Variants in MXI1 observed in about 807,000 individuals in gnomAD.
MXI1 encodes MAX interactor 1, dimerization protein, also known as max-interacting protein 1.
MXI1 carries 18 observed loss-of-function variants against 36.9 expected under a neutral mutation model. The observed-to-expected ratio is 0.49, with a 90% CI of 0.34 to 0.72. MXI1 has a LOEUF of 0.72. Among genes scored for constraint, MXI1 ranks in the 30% least tolerant of loss-of-function variants. The pLI, the probability that MXI1 is intolerant of heterozygous loss-of-function variation, is 0.01. For missense variants in MXI1, 304 were observed against 379.1 expected, an observed-to-expected ratio of 0.80 and a Z score of 1.64; for synonymous variants, 160 against 146.7, an observed-to-expected ratio of 1.09 and a Z score of -0.65.
At chr10:110,277,014 T>G (rs773278860) in intron 3 of MXI1, among the ~76,000 whole-genome samples, 1 of 152,126 alleles carries the variant, frequency 6.6e-6, no homozygotes. Flanking sequence ...CGCAGCTAAC[T>G]TTTATATTTT....
At chr10:110,256,168 C>T (rs1856285057) in intron 3 of MXI1, among the ~76,000 whole-genome samples, 1 of 152,096 alleles carries the variant, frequency 6.6e-6, no homozygotes, top group African/African-American at 2.4e-5. Flanking sequence ...GATCATAGAC[C>T]TGAATTTTTT....
intron 1 of MXI1, 27 bp downstream of exon 1, chr10:110,208,109 T>A (rs1854406673): frequency 6.4e-7 from 1 of 1,562,568 alleles, no homozygotes; most frequent in Non-Finnish European, 8.6e-7. Flanking sequence ...CTGCTCTTCC[T>A]CGGCGCCCGG....
chr10:110,221,905 C>T (rs1005180070), intron 1 of MXI1, among the ~76,000 whole-genome samples: 1 of 152,148 alleles, frequency 6.6e-6, no homozygotes, highest in African/African-American at 2.4e-5. Context: ...AGCCGGCAGC[C>T]CTGGCGACAG....
At chr10:110,277,186 C>A (rs1010439828) in intron 3 of MXI1, among the ~76,000 whole-genome samples, 3 of 152,206 alleles carry the variant, frequency 2.0e-5, no homozygotes, top group Non-Finnish European at 2.9e-5. Context: ...ATAATTCTTA[C>A]ATATACTGAA....
intron 5 of MXI1, among the ~76,000 whole-genome samples, chr10:110,281,647 TA>T (rs972922259): frequency 6.6e-6 from 1 of 152,196 alleles, no homozygotes; most frequent in African/African-American, 2.4e-5. Context: ...TATATGTACA[TA>T]TTTTTTTAAA....
intron 2 of MXI1, among the ~76,000 whole-genome samples, chr10:110,244,373 C>G (rs903201810): frequency 5.3e-5 from 8 of 151,878 alleles, no homozygotes; most frequent in Admixed American, 5.3e-4. Context: ...GTAACGCAAG[C>G]CTTTTTCAGC....
intron 3 of MXI1, among the ~76,000 whole-genome samples, chr10:110,246,182 T>C (rs897126284): frequency 1.3e-5 from 2 of 151,694 alleles, no homozygotes; most frequent in Admixed American, 6.6e-5. Context: ...AAAAATAAAT[T>C]AGCTGGTGTG....
chr10:110,224,089 C>T (rs991397119), intron 1 of MXI1, among the ~76,000 whole-genome samples: 1 of 152,022 alleles, frequency 6.6e-6, no homozygotes, highest in Non-Finnish European at 1.5e-5. Context: ...AGCATGAAGC[C>T]GATAACATTT....
chr10:110,262,875 A>G (rs758426861), intron 3 of MXI1, among the ~76,000 whole-genome samples: 1 of 152,120 alleles, frequency 6.6e-6, no homozygotes, highest in African/African-American at 2.4e-5. Flanking sequence ...ATTTTTCACA[A>G]AGTGTTTCCT....
At chr10:110,269,398 T>A (rs1856787007) in intron 3 of MXI1, among the ~76,000 whole-genome samples, 1 of 152,244 alleles carries the variant, frequency 6.6e-6, no homozygotes, top group Non-Finnish European at 1.5e-5. Context: ...CATTTTCTGC[T>A]TCTAGATGAA....
At chr10:110,264,926 A>C (rs1856636444) in intron 3 of MXI1, among the ~76,000 whole-genome samples, 1 of 152,144 alleles carries the variant, frequency 6.6e-6, no homozygotes, top group African/African-American at 2.4e-5. Context: ...TTAGTGCTTT[A>C]TGTTAAAAAT....
At chr10:110,269,581 TAG>T (rs1200671797) in intron 3 of MXI1, among the ~76,000 whole-genome samples, 1 of 152,224 alleles carries the variant, frequency 6.6e-6, no homozygotes, top group African/African-American at 2.4e-5. Flanking sequence ...CTGTGAGAGT[TAG>T]ACTTAAACTT....
chr10:110,283,852 C>T (rs1857348264), intron 5 of MXI1, among the ~76,000 whole-genome samples: 1 of 151,654 alleles, frequency 6.6e-6, no homozygotes, highest in Admixed American at 6.6e-5. Flanking sequence ...GAGACCTTGG[C>T]ACACTGCAGC....
chr10:110,252,496 C>A (rs1856130793), intron 3 of MXI1, among the ~76,000 whole-genome samples: 1 of 152,052 alleles, frequency 6.6e-6, no homozygotes, highest in Admixed American at 6.6e-5. Flanking sequence ...TGCTCTAGTT[C>A]TTCATCATTA....
intron 1 of MXI1, among the ~76,000 whole-genome samples, chr10:110,222,254 T>A (rs1213709830): frequency 6.6e-6 from 1 of 152,208 alleles, no homozygotes; most frequent in Admixed American, 6.5e-5. Flanking sequence ...ACGCCCATCC[T>A]TAAAGATAAT....
At chr10:110,271,666 A>T (rs1228642028) in intron 3 of MXI1, among the ~76,000 whole-genome samples, 1 of 152,194 alleles carries the variant, frequency 6.6e-6, no homozygotes, top group African/African-American at 2.4e-5. Context: ...AGTTATGGGA[A>T]ATGAGGCTGG....
At chr10:110,224,518 G>T (rs1429263143) in intron 1 of MXI1, among the ~76,000 whole-genome samples, 1 of 152,106 alleles carries the variant, frequency 6.6e-6, no homozygotes, top group African/African-American at 2.4e-5. Flanking sequence ...CTCCAAGGAG[G>T]AATTACCCAG....
chr10:110,269,363 A>G (rs146001637), intron 3 of MXI1, among the ~76,000 whole-genome samples: 37 of 152,340 alleles, frequency 2.4e-4, no homozygotes, highest in African/African-American at 8.9e-4. Flanking sequence ...TAGTAGGGCC[A>G]CTTTTAAAGG....
rs1382204647 is a variant in MXI1, at chr10:110,227,335, G to A, written c.275-854G>A. 3.0e-6 allele frequency: 3 copies of A among 985,256 alleles called. No homozygotes were observed. The African/African-American group carries it at 5.3e-5, about 17-fold the overall frequency. The allele number at this position is 985,256 out of a possible 1,614,324, so 61.0% of individuals were successfully genotyped here. A position where few individuals can be genotyped will look rare whatever the true frequency, so the allele number is the denominator to read the frequency against. On this transcript the variant is annotated intron_variant, in intron 1 of 5. Coordinates refer to ENST00000332674, the MANE Select transcript of MXI1 (RefSeq NM_130439.3). ...GCGGGGAGGGGCGCGCGTGCGTGGG[G>A]AGGTGTGTGTGCTGAGATCGTGAGT...
Sources: allele counts gnomAD v4.1 joint callset (sites outside exome capture counted in the v4.1 genomes callset), GRCh38; gene constraint gnomAD v4.1.1; transcripts MANE v1.5; gene names NCBI Gene and HGNC (gene_info 2026-07-23, HGNC 2026-07-21).